IFT43: variants seen among roughly 807,000 people sequenced by gnomAD.
IFT43 encodes the protein intraflagellar transport protein 43 homolog.
A neutral mutation model predicts 32.3 loss-of-function variants in IFT43; 33 were observed. That is an observed-to-expected ratio of 1.02 (90% CI 0.77 to 1.37). The LOEUF is 1.37. Ranked by LOEUF, IFT43 falls within the 40% of genes most tolerant of loss-of-function variation. The pLI is 0.00. For missense variants in IFT43, 274 were observed against 265.9 expected, an observed-to-expected ratio of 1.03 and a Z score of -0.21; for synonymous variants, 93 against 98.2, an observed-to-expected ratio of 0.95 and a Z score of 0.31.
intron 5 of IFT43, among the ~76,000 whole-genome samples, chr14:76,077,440 TCTG>T (rs1045716500): frequency 3.3e-5 from 5 of 152,168 alleles, no homozygotes; most frequent in Non-Finnish European, 7.3e-5. Context: ...CTGAGGAGCA[TCTG>T]TTGAATGCAG....
At chr14:76,011,898 G>A (rs925565212) in intron 2 of IFT43, among the ~76,000 whole-genome samples, 1 of 152,118 alleles carries the variant, frequency 6.6e-6, no homozygotes, top group Non-Finnish European at 1.5e-5. Flanking sequence ...GCCCTGAAGC[G>A]TATGCACATA....
chr14:76,023,541 ATATT>A (rs2036333935), intron 3 of IFT43, among the ~76,000 whole-genome samples: 1 of 152,236 alleles, frequency 6.6e-6, no homozygotes, highest in African/African-American at 2.4e-5. Flanking sequence ...TATGTGTAAA[ATATT>A]TAGAAGAGAG....
chr14:76,048,690 C>T (rs2140026898), intron 3 of IFT43, among the ~76,000 whole-genome samples: 1 of 152,294 alleles, frequency 6.6e-6, no homozygotes, highest in Non-Finnish European at 1.5e-5. Context: ...CCTTTTGACC[C>T]ATGCTGCCCC....
chr14:76,059,740 T>C, intron 5 of IFT43: 1 of 348,836 alleles, frequency 2.9e-6, no homozygotes, highest in Non-Finnish European at 5.6e-6. Context: ...GTGTTGACTA[T>C]ATCCCAAGCA....
intron 3 of IFT43, among the ~76,000 whole-genome samples, chr14:76,038,794 A>G (rs1052735203): frequency 4.6e-5 from 7 of 152,228 alleles, no homozygotes; most frequent in African/African-American, 1.7e-4. Flanking sequence ...ATCTTCACAC[A>G]TTTGTATTAT....
intron 3 of IFT43, among the ~76,000 whole-genome samples, chr14:76,039,637 A>G (rs1018707621): frequency 1.3e-5 from 2 of 152,312 alleles, no homozygotes; most frequent in East Asian, 1.9e-4. Context: ...CATTAGAACT[A>G]CTGGTGAATT....
At chr14:76,070,381 TAG>T (rs972927093) in intron 5 of IFT43, among the ~76,000 whole-genome samples, 1 of 152,176 alleles carries the variant, frequency 6.6e-6, no homozygotes, top group South Asian at 2.1e-4. Context: ...AGCTTTGTCA[TAG>T]AGAGAAAGTA....
At chr14:76,023,646 G>A (rs186034108) in intron 3 of IFT43, among the ~76,000 whole-genome samples, 3 of 152,286 alleles carry the variant, frequency 2.0e-5, no homozygotes, top group Admixed American at 2.0e-4. Context: ...GATAGGCTTT[G>A]ACCATATTCT....
At chr14:76,053,430 G>A (rs1005403998) in intron 3 of IFT43, among the ~76,000 whole-genome samples, 2 of 152,180 alleles carry the variant, frequency 1.3e-5, no homozygotes, top group Non-Finnish European at 2.9e-5. Context: ...GACTGGGTGA[G>A]TGTGGAGCTG....
rs1308371746 is a variant in IFT43 at position 76,018,575 on chromosome 14, A to G, written c.148-3752A>G. Among the ~76,000 whole-genome samples, 7 of 152,240 alleles carry G rather than the reference A, an allele frequency of 4.6e-5. No homozygotes were observed. In the East Asian group the frequency reaches 9.6e-4, roughly 21 times the overall value. On this transcript the variant is annotated intron_variant, in intron 2 of 8. Coordinates refer to ENST00000314067, the MANE Select transcript of IFT43 (RefSeq NM_001102564.3). ...TGTCTGTTAGTTTCATTTGGTTTAAAGTGCAGTTTAAATTCCCAGTTTTCT... is the reference window on the plus strand; with the variant it reads ...TGTCTGTTAGTTTCATTTGGTTTAAGGTGCAGTTTAAATTCCCAGTTTTCT...
chr14:76,059,484 G>C, intron 5 of IFT43, 111 bp downstream of exon 5: 1 of 1,048,210 alleles, frequency 9.5e-7, no homozygotes, highest in Admixed American at 1.8e-5. Flanking sequence ...CATTTGCAGT[G>C]GTCTTCTGAC....
intron 3 of IFT43, among the ~76,000 whole-genome samples, chr14:76,037,644 A>G (rs1051727366): frequency 6.6e-5 from 10 of 151,830 alleles, no homozygotes; most frequent in Admixed American, 6.6e-4. Flanking sequence ...TACCTTGAAC[A>G]ACCAGTTGTT....
At chr14:76,029,099 T>G (rs922450309) in intron 3 of IFT43, among the ~76,000 whole-genome samples, 3 of 152,206 alleles carry the variant, frequency 2.0e-5, no homozygotes, top group African/African-American at 7.2e-5. Context: ...TGTGTAAGCA[T>G]TCCTTTTTTT....
chr14:76,039,608 A>G (rs1566720305), intron 3 of IFT43, among the ~76,000 whole-genome samples: 1 of 152,218 alleles, frequency 6.6e-6, no homozygotes, highest in Non-Finnish European at 1.5e-5. Context: ...TTTGTATAAC[A>G]TCGTGTCTTC....
intron 6 of IFT43, 56 bp from the exon 7 acceptor site, chr14:76,082,561 A>T: frequency 4.4e-6 from 7 of 1,605,650 alleles, no homozygotes; most frequent in Non-Finnish European, 5.1e-6. Context: ...GCCCGGCAGC[A>T]CTCCTGGAAC....
intron 3 of IFT43, among the ~76,000 whole-genome samples, chr14:76,040,255 G>A (rs1052400023): frequency 6.6e-6 from 1 of 152,164 alleles, no homozygotes; most frequent in Non-Finnish European, 1.5e-5. Flanking sequence ...TGGCTGAACA[G>A]CCTTATTTTT....
At chr14:76,003,337 C>T (rs1006872355) in intron 2 of IFT43, among the ~76,000 whole-genome samples, 1 of 151,878 alleles carries the variant, frequency 6.6e-6, no homozygotes, top group African/African-American at 2.4e-5. Context: ...TAATATTATA[C>T]CATGGCCGGG....
chr14:76,014,907 A>G (rs2036155407), intron 2 of IFT43, among the ~76,000 whole-genome samples: 1 of 152,136 alleles, frequency 6.6e-6, no homozygotes, highest in South Asian at 2.1e-4. Context: ...ACTGACGCCT[A>G]CTTCTCACTT....
Position 76,015,611 on chromosome 14 carries a change from G to A in IFT43, c.148-6716G>A, listed in dbSNP as rs775038065. On this transcript the variant is annotated intron_variant, in intron 2 of 8. Coordinates refer to ENST00000314067, the MANE Select transcript of IFT43 (RefSeq NM_001102564.3). ...GGTGTTAAACTGTATTGGCTTTGGA[G>A]GAGTGACTTTTAGCTGGTGATCGCT... Among the ~76,000 whole-genome samples, 85 of 152,200 alleles carry A rather than the reference G, an allele frequency of 5.6e-4. 1 individual carries two copies. Among genetic ancestry groups the A allele is most frequent in the Non-Finnish European group, 6.9e-4 (47 of 68,034 alleles).
Sources: gnomAD v4.1 joint callset for allele counts (sites outside exome capture counted in the v4.1 genomes callset) on GRCh38, gnomAD v4.1.1 for gene constraint, MANE v1.5 for transcripts, NCBI Gene and HGNC (gene_info 2026-07-23, HGNC 2026-07-21) for gene names.